CCDC33: variants seen among roughly 807,000 people sequenced by gnomAD.
The protein encoded by CCDC33 is coiled-coil domain-containing protein 33.
Under a neutral mutation model 91.9 loss-of-function variants are expected in CCDC33, and 94 were observed. That is an observed-to-expected ratio of 1.02 (90% CI 0.87 to 1.21). CCDC33 has a LOEUF of 1.21. Among genes scored for constraint, CCDC33 ranks in the 50% most tolerant of loss-of-function variants. The pLI is 0.00. For synonymous variants in CCDC33, 396 were observed against 374.5 expected (o/e 1.06, Z -0.66); for missense variants, 940 against 935.5 (o/e 1.00, Z -0.06).
chr15:74,287,300 C>CAGAG (rs1040091391), intron 10 of CCDC33, among the ~76,000 whole-genome samples: 18 of 152,236 alleles, frequency 1.2e-4, no homozygotes, highest in African/African-American at 4.1e-4. Flanking sequence ...AGGATGGATC[C>CAGAG]AGAGAGAGAG....
chr15:74,318,844 C>T lies in CCDC33; in HGVS notation c.1291-11345C>T, dbSNP rs187317255. Among the ~76,000 whole-genome samples the T allele has an allele frequency of 1.9e-3, 287 of 152,248 alleles. 1 individual carries two copies. The highest frequency in any genetic ancestry group is 8.1e-3 in the South Asian group (39 of 4,818). On this transcript the variant is annotated intron_variant, in intron 11 of 18. Coordinates refer to ENST00000398814, the MANE Select transcript of CCDC33 (RefSeq NM_025055.5). ...GTGGTCACAGGAATCTTTTGCAAGG[C>T]CCCTGGCTCCAGCCTAGGCCACCTG... is the stretch of plus-strand genomic sequence containing the variant.
At chr15:74,212,181 C>T (rs1413266946) in exon 3 of CCDC33, 1 of 152,574 alleles carries the variant, frequency 6.6e-6, no homozygotes, top group Non-Finnish European at 1.5e-5. Context: ...TCGGGATCCG[C>T]AGAGTCTACA....
intron 2 of CCDC33, among the ~76,000 whole-genome samples, chr15:74,245,434 G>GT (rs1354981161): frequency 6.6e-6 from 1 of 152,240 alleles, no homozygotes; most frequent in Non-Finnish European, 1.5e-5. Flanking sequence ...AGCACAGGTG[G>GT]TGGGAGCAGG....
chr15:74,321,695 G>A (rs965150902), intron 11 of CCDC33, among the ~76,000 whole-genome samples: 4 of 152,112 alleles, frequency 2.6e-5, no homozygotes, highest in South Asian at 2.1e-4. Context: ...CCACCGCACC[G>A]GGCCAAGAAA....
At chr15:74,223,561 G>A (rs2074675587) in intron 2 of CCDC33, among the ~76,000 whole-genome samples, 1 of 151,790 alleles carries the variant, frequency 6.6e-6, no homozygotes, top group African/African-American at 2.4e-5. Flanking sequence ...CTCTTAACTC[G>A]AGTTAGAGAC....
intron 12 of CCDC33, 61 bp from the exon 13 acceptor site, chr15:74,330,602 C>G (rs1217589812): frequency 2.2e-6 from 3 of 1,350,102 alleles, no homozygotes; most frequent in African/African-American, 2.9e-5. Flanking sequence ...TGCTACTGAC[C>G]ATGCTGATTT....
At chr15:74,317,810 C>A (rs2060120084) in intron 11 of CCDC33, among the ~76,000 whole-genome samples, 1 of 151,018 alleles carries the variant, frequency 6.6e-6, no homozygotes, top group African/African-American at 2.4e-5. Flanking sequence ...GCAACCCAGG[C>A]TGAAGCCAGT....
rs182693776 is a variant in CCDC33, at chr15:74,247,116, G to A, written c.185+2968G>A. ...GCCAAGATTGCGCCACTGCACTCCA[G>A]CCTGGGCAACAGAGCGAGACTCCCA... On this transcript the variant is annotated intron_variant, in intron 2 of 18. Coordinates refer to ENST00000398814, the MANE Select transcript of CCDC33 (RefSeq NM_025055.5). Among the ~76,000 whole-genome samples, 487 of 151,390 alleles carry A rather than the reference G, an allele frequency of 3.2e-3. 7 individuals carry two copies. Among genetic ancestry groups the A allele is most frequent in the East Asian group, 0.016 (82 of 5,114 alleles).
At chr15:74,260,258 C>T (rs1297974320) in intron 2 of CCDC33, among the ~76,000 whole-genome samples, 1 of 152,152 alleles carries the variant, frequency 6.6e-6, no homozygotes, top group Non-Finnish European at 1.5e-5. Flanking sequence ...CTGAGCGCCA[C>T]GTTCCTGCCA....
At chr15:74,267,252 G>T (rs2076189261) in intron 4 of CCDC33, among the ~76,000 whole-genome samples, 1 of 152,258 alleles carries the variant, frequency 6.6e-6, no homozygotes, top group South Asian at 2.1e-4. Flanking sequence ...CACAGAGCAA[G>T]TGAGCGGCAG....
chr15:74,267,028 A>G (rs547098881), intron 4 of CCDC33, among the ~76,000 whole-genome samples: 1 of 152,218 alleles, frequency 6.6e-6, no homozygotes, highest in Non-Finnish European at 1.5e-5. Flanking sequence ...GACAACTGCC[A>G]CATTAAATGA....
intron 16 of CCDC33, chr15:74,333,317 GCA>G: frequency 1.9e-6 from 3 of 1,581,614 alleles, no homozygotes; most frequent in Non-Finnish European, 2.6e-6. Flanking sequence ...GACCCTGCCC[GCA>G]CAGGTGGGTG....
rs763890763 is a variant in CCDC33 at position 74,332,662 on chromosome 15, T to C, written c.1772-17T>C. 1 of 1,612,286 alleles carries C rather than the reference T, an allele frequency of 6.2e-7. No individual in the cohort carries two copies. Among genetic ancestry groups the C allele is most frequent in the South Asian group, 1.1e-5 (1 of 90,996 alleles). Reference sequence around the variant, plus strand: ...CAGGAGAGCCCATCTCACCAACATCTGTGGCCGTGTCTCTAGGCTTCCCTA... The same window carrying C: ...CAGGAGAGCCCATCTCACCAACATCCGTGGCCGTGTCTCTAGGCTTCCCTA... On this transcript the variant is annotated splice_polypyrimidine_tract_variant and intron_variant, in intron 15 of 18. Coordinates refer to ENST00000398814, the MANE Select transcript of CCDC33 (RefSeq NM_025055.5).
exon 2 of CCDC33, chr15:74,209,394 A>G (rs755321735): frequency 5.2e-6 from 8 of 1,535,484 alleles, no homozygotes; most frequent in African/African-American, 1.4e-5. Flanking sequence ...CCAGGGGGCC[A>G]CTGCCTGATG....
intron 2 of CCDC33, among the ~76,000 whole-genome samples, chr15:74,250,448 G>A (rs1445243104): frequency 6.6e-6 from 1 of 152,054 alleles, no homozygotes; most frequent in African/African-American, 2.4e-5. Context: ...CCCACCCTAG[G>A]CATTCTCAGA....
intron 1 of CCDC33, among the ~76,000 whole-genome samples, chr15:74,205,898 T>G (rs1244299069): frequency 6.6e-6 from 1 of 152,214 alleles, no homozygotes; most frequent in African/African-American, 2.4e-5. Flanking sequence ...GAGCGCAGCC[T>G]TGTGCCTGGT....
chr15:74,267,068 C>A (rs1410112155), intron 4 of CCDC33, among the ~76,000 whole-genome samples: 3 of 152,208 alleles, frequency 2.0e-5, no homozygotes. Context: ...ATTTTGATTA[C>A]AAAAATGTTA....
intron 15 of CCDC33, among the ~76,000 whole-genome samples, chr15:74,331,551 G>A (rs1416967585): frequency 2.6e-5 from 4 of 152,188 alleles, no homozygotes; most frequent in Non-Finnish European, 5.9e-5. Context: ...AGCCAGGCTA[G>A]AAAGAGGGTG....
chr15:74,309,360 C>T (rs763536407), intron 11 of CCDC33, among the ~76,000 whole-genome samples: 5 of 152,318 alleles, frequency 3.3e-5, no homozygotes, highest in African/African-American at 4.8e-5. Context: ...AGGTGCCTGG[C>T]GTGCAGTGGG....
Sources: allele counts gnomAD v4.1 joint callset (sites outside exome capture counted in the v4.1 genomes callset), GRCh38; gene constraint gnomAD v4.1.1; transcripts MANE v1.5; gene names NCBI Gene and HGNC (gene_info 2026-07-23, HGNC 2026-07-21).